Variants in ANK3 observed in about 807,000 individuals in gnomAD.
ANK3 encodes the protein ankyrin-3.
Under a neutral mutation model 370.9 loss-of-function variants are expected in ANK3, and 57 were observed. The ratio of observed to expected loss-of-function variants is 0.15; its 90% confidence interval spans 0.12 to 0.19. The LOEUF (loss-of-function observed/expected upper bound fraction) is 0.19, where lower values mean the gene tolerates loss of function less well. ANK3 is among the 10% of genes least tolerant of loss of function. ANK3 has a pLI of 1.00. For synonymous variants in ANK3, 1,929 were observed against 1,946.3 expected, an observed-to-expected ratio of 0.99 and a Z score of 0.23; for missense variants, 4,439 against 5,302.1, an observed-to-expected ratio of 0.84 and a Z score of 5.06.
chr10:60,404,374 A>G (rs770246746), intron 2 of ANK3, among the ~76,000 whole-genome samples: 4 of 152,238 alleles, frequency 2.6e-5, no homozygotes, highest in African/African-American at 4.8e-5. Context: ...TAATCAAGAC[A>G]GTATGGTACT....
intron 2 of ANK3, among the ~76,000 whole-genome samples, chr10:60,461,882 A>T (rs575222661): frequency 7.9e-5 from 12 of 152,308 alleles, no homozygotes; most frequent in Non-Finnish European, 1.8e-4. Context: ...TCAGCACTGG[A>T]TACCTCCCTG....
intron 16 of ANK3, among the ~76,000 whole-genome samples, chr10:60,190,707 C>A (rs1464904220): frequency 6.6e-6 from 1 of 152,146 alleles, no homozygotes; most frequent in Non-Finnish European, 1.5e-5. Context: ...ATATCAACCT[C>A]ATTTTTCACA....
chr10:60,203,217 A>T, intron 11 of ANK3, 117 bp from the exon 12 acceptor site: 2 of 634,074 alleles, frequency 3.2e-6, no homozygotes, highest in East Asian at 5.5e-5. Context: ...ATCGGATTAG[A>T]AGACATCAGG....
chr10:60,152,521 G>A (rs915898702), intron 23 of ANK3, among the ~76,000 whole-genome samples: 1 of 152,056 alleles, frequency 6.6e-6, no homozygotes, highest in Non-Finnish European at 1.5e-5. Context: ...ATGGAAAGGG[G>A]TTAGCCAGGG....
intron 2 of ANK3, among the ~76,000 whole-genome samples, chr10:60,598,306 T>C (rs2078015431): frequency 2.0e-5 from 3 of 152,242 alleles, no homozygotes; most frequent in Admixed American, 1.3e-4. Flanking sequence ...CGCAGTATTC[T>C]TTAAAAGTTT....
intron 1 of ANK3, among the ~76,000 whole-genome samples, chr10:60,624,882 G>A (rs2133333404): frequency 6.6e-6 from 1 of 152,262 alleles, no homozygotes; most frequent in South Asian, 2.1e-4. Flanking sequence ...TGAAAGTTGA[G>A]AACTAAGAAG....
rs761720092 is a variant in ANK3 at position 60,196,575 on chromosome 10, G to A, written c.1740C>T (p.Val580=). The change falls in exon 15 of 44, where the codon GTC becomes GTT. Residue 580 remains valine, a synonymous_variant. Coordinates refer to ENST00000280772, the MANE Select transcript of ANK3 (RefSeq NM_020987.5). ...HVAAKYGKLE[V]ANLLLQKSAS... ...CACTTTTCTGTAGCAGGAGATTGGCGACTTCAAGCTTTCCATATTTTGCTG... is the reference window on the plus strand; with the variant it reads ...CACTTTTCTGTAGCAGGAGATTGGCAACTTCAAGCTTTCCATATTTTGCTG... The A allele has an allele frequency of 1.8e-5, 29 of 1,611,794 alleles. No homozygotes were observed. The highest frequency in any genetic ancestry group is 1.1e-4 in the East Asian group (5 of 44,802).
rs58493813 is a variant in ANK3 at position 60,141,574 on chromosome 10, T to TTG, written c.2615-2488_2615-2487insCA. On this transcript the variant is annotated intron_variant, in intron 23 of 43. Coordinates refer to ENST00000280772, the MANE Select transcript of ANK3 (RefSeq NM_020987.5). ...ATTTCAATTGCTGTTTTTTTTTTTT[T>TTG]TTTTTTTTTTTTGCTTCCCTCCAGC... Among the ~76,000 whole-genome samples the TTG allele has an allele frequency of 7.6e-3, 1,109 of 145,664 alleles. 33 individuals are homozygous for TTG. Among genetic ancestry groups the TTG allele is most frequent in the African/African-American group, 0.028 (1,057 of 38,238 alleles).
intron 1 of ANK3, among the ~76,000 whole-genome samples, chr10:60,625,103 G>A (rs2078390457): frequency 6.6e-6 from 1 of 152,034 alleles, no homozygotes; most frequent in Admixed American, 6.6e-5. Context: ...AGGACTGGCG[G>A]GCCCTGCTTC....
Position 60,586,422 on chromosome 10 carries a change from C to G in ANK3, c.96+28764G>C, listed in dbSNP as rs150570328. ...TGTGGCTCACCTTCGTTTTTCCAAA[C>G]GGGAGTTTTTTTGTGGTTGCCTATC... On this transcript the variant is annotated intron_variant, in intron 2 of 43. Transcript: ENST00000373827. Among the ~76,000 whole-genome samples, 663 of 152,154 alleles carry G rather than the reference C, an allele frequency of 4.4e-3. 7 individuals carry two copies. Among genetic ancestry groups the G allele is most frequent in the African/African-American group, 0.015 (609 of 41,510 alleles).
intron 1 of ANK3, among the ~76,000 whole-genome samples, chr10:60,310,769 T>C (rs1380384252): frequency 3.3e-5 from 5 of 152,200 alleles, no homozygotes; most frequent in African/African-American, 1.2e-4. Context: ...TCTACTGAAA[T>C]AATTTTTTTC....
At chr10:60,131,702 A>G (rs746997609) in intron 25 of ANK3, among the ~76,000 whole-genome samples, 6 of 152,176 alleles carry the variant, frequency 3.9e-5, no homozygotes, top group Non-Finnish European at 7.3e-5. Flanking sequence ...TTATAGCACC[A>G]CAAACACTTG....
chr10:60,367,190 G>A (rs2059497036), intron 1 of ANK3, among the ~76,000 whole-genome samples: 1 of 152,144 alleles, frequency 6.6e-6, no homozygotes, highest in Non-Finnish European at 1.5e-5. Flanking sequence ...TGAGATAGAT[G>A]GCACAGACTG....
chr10:60,110,446 A>G (rs1590137714), intron 26 of ANK3, among the ~76,000 whole-genome samples: 1 of 152,172 alleles, frequency 6.6e-6, no homozygotes, highest in East Asian at 1.9e-4. Context: ...CTCTTACAAC[A>G]TTCTATCGAT....
At chr10:60,628,930 A>G (rs1014339622) in intron 1 of ANK3, among the ~76,000 whole-genome samples, 6 of 152,184 alleles carry the variant, frequency 3.9e-5, no homozygotes, top group Non-Finnish European at 7.4e-5. Flanking sequence ...ATATATCAAA[A>G]TGTTTTTGAG....
intron 16 of ANK3, among the ~76,000 whole-genome samples, chr10:60,194,022 G>A (rs1281071704): frequency 6.6e-6 from 1 of 152,108 alleles, no homozygotes; most frequent in Non-Finnish European, 1.5e-5. Flanking sequence ...TTGGGAGGCT[G>A]AGGCAGGAGA....
chr10:60,435,071 T>A (rs2064123403), intron 2 of ANK3, among the ~76,000 whole-genome samples: 1 of 152,240 alleles, frequency 6.6e-6, no homozygotes, highest in Admixed American at 6.5e-5. Flanking sequence ...ACCAACCTCA[T>A]TCTTGAGAAC....
chr10:60,547,861 C>T (rs919892508), intron 2 of ANK3, among the ~76,000 whole-genome samples: 5 of 152,092 alleles, frequency 3.3e-5, no homozygotes, highest in Admixed American at 6.6e-5. Context: ...AACTGATCTG[C>T]AAGCAATATA....
At chr10:60,625,631 C>G (rs1254285314) in intron 1 of ANK3, among the ~76,000 whole-genome samples, 2 of 152,172 alleles carry the variant, frequency 1.3e-5, no homozygotes, top group Non-Finnish European at 1.5e-5. Context: ...CTGGCTCATC[C>G]TCCCCACTTA....
Sources: allele counts gnomAD v4.1 joint callset (sites outside exome capture counted in the v4.1 genomes callset), GRCh38; gene constraint gnomAD v4.1.1; transcripts MANE v1.5; gene names NCBI Gene and HGNC (gene_info 2026-07-23, HGNC 2026-07-21).